The following GRIN2A variants were observed in gnomAD, a reference collection of about 807,000 sequenced individuals.
The protein encoded by GRIN2A is glutamate receptor ionotropic, NMDA 2A.
GRIN2A carries 22 observed loss-of-function variants against 113.4 expected under a neutral mutation model. The ratio of observed to expected loss-of-function variants is 0.19; its 90% CI spans 0.14 to 0.28. GRIN2A has a LOEUF of 0.28. Among genes scored for constraint, GRIN2A ranks in the 10% least tolerant of loss-of-function variants. The pLI is 1.00. For synonymous variants in GRIN2A, 827 were observed against 738.4 expected, an observed-to-expected ratio of 1.12 and a Z score of -1.94; for missense variants, 1,502 against 1,887.0, an observed-to-expected ratio of 0.80 and a Z score of 3.78.
In GRIN2A at chr16:10,170,132, G is replaced by A. The variant is rs542046001; in HGVS notation, c.414+9866C>T. 2.0e-5 allele frequency among the ~76,000 whole-genome samples: 3 copies of A among 152,296 alleles called. No homozygotes were observed. The East Asian group carries it at 5.8e-4, about 29-fold the overall frequency. On this transcript the variant is annotated intron_variant, in intron 2 of 12. Coordinates refer to ENST00000330684, the MANE Select transcript of GRIN2A (RefSeq NM_001134407.3). ...GCTGTCTAAAGACATTAAAATTCAAGCATTTAAAAATGCTGTACTGGTGAA... is the reference window on the plus strand; with the variant it reads ...GCTGTCTAAAGACATTAAAATTCAAACATTTAAAAATGCTGTACTGGTGAA...
chr16:9,872,122 T>G (rs2043273787), intron 4 of GRIN2A, among the ~76,000 whole-genome samples: 1 of 152,232 alleles, frequency 6.6e-6, no homozygotes, highest in Non-Finnish European at 1.5e-5. Context: ...ATAGTAGCTT[T>G]AATATCCTCA....
At chr16:9,867,756 C>T (rs907430438) in intron 4 of GRIN2A, among the ~76,000 whole-genome samples, 1 of 152,182 alleles carries the variant, frequency 6.6e-6, no homozygotes, top group Non-Finnish European at 1.5e-5. Context: ...TGCCAAAATG[C>T]AAGCTTCTCC....
At chr16:9,861,747 A>C (rs1000276756) in intron 4 of GRIN2A, among the ~76,000 whole-genome samples, 2 of 152,226 alleles carry the variant, frequency 1.3e-5, no homozygotes, top group African/African-American at 2.4e-5. Context: ...TGGTATGCAC[A>C]AACAAGTTTC....
Position 9,754,862 on chromosome 16 carries a change from C to T in GRIN2A, c.*8287G>A, listed in dbSNP as rs142313981. Reference sequence around the variant, plus strand: ...TTATCAATAGTCTTTGATTTGAGCCCTTTAAAACTTGAAACAGCAAAATGT... The same window carrying T: ...TTATCAATAGTCTTTGATTTGAGCCTTTTAAAACTTGAAACAGCAAAATGT... On this transcript the variant is annotated 3_prime_UTR_variant, in exon 13 of 13. Transcript: ENST00000330684. 1 of 224,256 alleles carries T rather than the reference C, an allele frequency of 4.5e-6. No individual in the cohort carries two copies. The highest frequency in any genetic ancestry group is 2.2e-5 in the African/African-American group (1 of 44,954). 13.9% of individuals were successfully genotyped at this position (224,256 alleles called of 1,614,324 possible).
At chr16:9,770,317 G>T (rs568559482) in intron 11 of GRIN2A, among the ~76,000 whole-genome samples, 1 of 152,100 alleles carries the variant, frequency 6.6e-6, no homozygotes, top group African/African-American at 2.4e-5. Context: ...AAAAATTAAC[G>T]AAATACTCCA....
chr16:10,035,519 TCC>T (rs1475910105), intron 2 of GRIN2A, among the ~76,000 whole-genome samples: 1 of 152,108 alleles, frequency 6.6e-6, no homozygotes, highest in Non-Finnish European at 1.5e-5. Context: ...ATGTGTCACC[TCC>T]CCTGTGAAGC....
intron 2 of GRIN2A, among the ~76,000 whole-genome samples, chr16:10,085,122 T>C (rs2048061669): frequency 6.6e-6 from 1 of 151,982 alleles, no homozygotes. Flanking sequence ...AGCCAGTGAG[T>C]TACAGAGTAA....
chr16:9,944,192 G>A (rs757816101), intron 2 of GRIN2A, among the ~76,000 whole-genome samples: 1 of 152,208 alleles, frequency 6.6e-6, no homozygotes, highest in Non-Finnish European at 1.5e-5. Context: ...TTCTCCTGTT[G>A]AGGACTGCCC....
intron 2 of GRIN2A, among the ~76,000 whole-genome samples, chr16:10,021,267 CA>C (rs1395279317): frequency 6.6e-6 from 1 of 152,198 alleles, no homozygotes; most frequent in African/African-American, 2.4e-5. Context: ...CTATTCAACA[CA>C]TATTTATTGA....
At chr16:10,095,037 C>CT (rs1373823646) in intron 2 of GRIN2A, among the ~76,000 whole-genome samples, 21 of 151,958 alleles carry the variant, frequency 1.4e-4, no homozygotes, top group Admixed American at 1.4e-3. Flanking sequence ...AGAGTAGGAC[C>CT]CCAGGTTGAT....
chr16:9,793,807 A>C (rs1544607), intron 11 of GRIN2A, among the ~76,000 whole-genome samples: 2 of 151,944 alleles, frequency 1.3e-5, no homozygotes. Context: ...TACATAACAC[A>C]TGTGTATATG....
chr16:9,944,403 TCCA>T (rs2044965999), intron 2 of GRIN2A, among the ~76,000 whole-genome samples: 3 of 152,104 alleles, frequency 2.0e-5, no homozygotes, highest in African/African-American at 7.2e-5. Flanking sequence ...AAACAACTAC[TCCA>T]CCACCACCCA....
intron 2 of GRIN2A, among the ~76,000 whole-genome samples, chr16:9,940,098 T>C (rs911456158): frequency 6.6e-6 from 1 of 150,872 alleles, no homozygotes; most frequent in Non-Finnish European, 1.5e-5. Flanking sequence ...AAGGTGGATG[T>C]TCCATTCATG....
At chr16:9,992,723 G>C in intron 2 of GRIN2A, among the ~76,000 whole-genome samples, 1 of 152,198 alleles carries the variant, frequency 6.6e-6, no homozygotes, top group Non-Finnish European at 1.5e-5. Context: ...CAAGGCAGCT[G>C]TGCAAAATAC....
At chr16:10,160,522 A>C (rs1181546545) in intron 2 of GRIN2A, among the ~76,000 whole-genome samples, 1 of 152,226 alleles carries the variant, frequency 6.6e-6, no homozygotes, top group Admixed American at 6.5e-5. Flanking sequence ...GGTAACAAGA[A>C]GGATCAAAGC....
chr16:9,962,764 T>A (rs1375365393), intron 2 of GRIN2A, among the ~76,000 whole-genome samples: 1 of 152,148 alleles, frequency 6.6e-6, no homozygotes, highest in East Asian at 1.9e-4. Flanking sequence ...AGCCATCCCA[T>A]TACTGAGTAT....
chr16:9,801,052 T>C (rs1036743472), intron 10 of GRIN2A, among the ~76,000 whole-genome samples: 1 of 152,182 alleles, frequency 6.6e-6, no homozygotes, highest in African/African-American at 2.4e-5. Context: ...TTCTGGTTTC[T>C]CCTCTGTGAG....
At chr16:10,156,702 CACTTAAA>C (rs1227427046) in intron 2 of GRIN2A, among the ~76,000 whole-genome samples, 1 of 152,190 alleles carries the variant, frequency 6.6e-6, no homozygotes, top group East Asian at 1.9e-4. Flanking sequence ...GAGAACTTGA[CACTTAAA>C]ACTTAAAGGA....
chr16:10,111,737 T>A, intron 2 of GRIN2A: 1 of 1,528,528 alleles, frequency 6.5e-7, no homozygotes, highest in Non-Finnish European at 9.0e-7. Context: ...ACGGACCCCG[T>A]GGTGCTGAGC....
Sources: gnomAD v4.1 joint callset for allele counts (sites outside exome capture counted in the v4.1 genomes callset) on GRCh38, gnomAD v4.1.1 for gene constraint, MANE v1.5 for transcripts, NCBI Gene and HGNC (gene_info 2026-07-23, HGNC 2026-07-21) for gene names.